PRORP: variants seen among roughly 807,000 people sequenced by gnomAD.
The protein encoded by PRORP is protein only RNase P catalytic subunit.
Under a neutral mutation model 59.4 loss-of-function variants are expected in PRORP, and 51 were observed. The observed-to-expected ratio is 0.86, with a 90% CI of 0.69 to 1.08. PRORP has a LOEUF of 1.08. Ranked by LOEUF, PRORP falls within the 50% of genes least tolerant of loss-of-function variation. The probability of loss-of-function intolerance (pLI) is 0.00; values close to 1 mark genes in which losing one functional copy is unlikely to be tolerated. For synonymous variants in PRORP, 231 were observed against 245.6 expected, an observed-to-expected ratio of 0.94 and a Z score of 0.55; for missense variants, 646 against 690.3, an observed-to-expected ratio of 0.94 and a Z score of 0.72.
chr14:35,226,994 C>T (rs939563816), intron 5 of PRORP, among the ~76,000 whole-genome samples: 7 of 151,844 alleles, frequency 4.6e-5, no homozygotes, highest in South Asian at 2.1e-4. Flanking sequence ...CCTCTGTCTC[C>T]CAAAGTTCTG....
chr14:35,148,618 C>T (rs1472444390), intron 4 of PRORP, among the ~76,000 whole-genome samples: 1 of 152,130 alleles, frequency 6.6e-6, no homozygotes, highest in African/African-American at 2.4e-5. Context: ...TGTATTAGCC[C>T]ATAACAAGAG....
At chr14:35,179,685 T>G (rs2048548838) in intron 4 of PRORP, among the ~76,000 whole-genome samples, 1 of 152,038 alleles carries the variant, frequency 6.6e-6, no homozygotes, top group African/African-American at 2.4e-5. Context: ...GGGTTCGAAC[T>G]TCCTTCTTCA....
chr14:35,161,079 G>T (rs1402060665), intron 4 of PRORP, among the ~76,000 whole-genome samples: 1 of 55,426 alleles, frequency 1.8e-5, no homozygotes, highest in Middle Eastern at 6.8e-3. Flanking sequence ...TGTGAAGACC[G>T]GAGCCCATTT....
At position 35,124,241 on chromosome 14, in the gene PRORP, G is replaced by T. The variant is rs746272970; in HGVS notation, c.986+10G>T. On this transcript the variant is annotated intron_variant, in intron 2 of 7. Transcript: ENST00000534898. Reference sequence around the variant, plus strand: ...AAACATGGTTTGAGAGGTAATTTTGGTTTTTTTATATGTATGTTTTTATTC... The same window carrying T: ...AAACATGGTTTGAGAGGTAATTTTGTTTTTTTTATATGTATGTTTTTATTC... The T allele has an allele frequency of 8.4e-5, 126 of 1,496,890 alleles. No homozygotes were observed. The highest frequency in any genetic ancestry group is 6.6e-4 in the Middle Eastern group (3 of 4,534). The allele number at this position is 1,496,890 out of a possible 1,614,324, so 92.7% of individuals were successfully genotyped here.
intron 5 of PRORP, among the ~76,000 whole-genome samples, chr14:35,192,266 C>T (rs150725051): frequency 1.3e-5 from 2 of 152,248 alleles, no homozygotes; most frequent in East Asian, 1.9e-4. Flanking sequence ...AATATTCTTC[C>T]ATCTTCAAAT....
At chr14:35,134,067 C>T (rs776305739) in intron 4 of PRORP, among the ~76,000 whole-genome samples, 5 of 152,326 alleles carry the variant, frequency 3.3e-5, no homozygotes, top group Admixed American at 6.5e-5. Flanking sequence ...CCCTTCAGGG[C>T]GACAAGTTCC....
chr14:35,147,529 G>A (rs976978399), intron 4 of PRORP, among the ~76,000 whole-genome samples: 3 of 151,984 alleles, frequency 2.0e-5, no homozygotes, highest in Admixed American at 6.6e-5. Context: ...ATTTTTTGTC[G>A]AGCTGGGGTT....
chr14:35,130,454 T>C (rs545369969), intron 4 of PRORP, among the ~76,000 whole-genome samples: 20 of 151,622 alleles, frequency 1.3e-4, no homozygotes, highest in Non-Finnish European at 2.6e-4. Flanking sequence ...TACCCTCAGA[T>C]GATTTCTTAT....
Position 35,273,504 on chromosome 14 carries a change from T to G in PRORP, c.1690T>G (p.Leu564Val). 6.2e-7 allele frequency: 1 copy of G among 1,613,736 alleles called. No individual in the cohort carries two copies. Among genetic ancestry groups the G allele is most frequent in the Non-Finnish European group, 8.5e-7 (1 of 1,179,792 alleles). The change falls in exon 8 of 8, where the codon TTG becomes GTG. Residue 564 changes from leucine to valine, a missense_variant. Transcript: ENST00000534898. The stretch of plus-strand genomic sequence containing the variant: ...GTGGCACATACCATATGATGAAGAC[T>G]TGGTAGAAAGATGTTCCTGTGAAGT... ...DSWHIPYDED[L>V]VERCSCEVPT...
At chr14:35,167,485 CT>C (rs1031924390) in intron 4 of PRORP, among the ~76,000 whole-genome samples, 29 of 152,330 alleles carry the variant, frequency 1.9e-4, no homozygotes, top group East Asian at 1.7e-3. Flanking sequence ...CATCTCTTCT[CT>C]TTAGTTTACA....
At chr14:35,257,667 G>A (rs941235097) in intron 5 of PRORP, among the ~76,000 whole-genome samples, 1 of 152,102 alleles carries the variant, frequency 6.6e-6, no homozygotes. Context: ...CATAATGAAT[G>A]TTCTTATAAA....
In PRORP at chr14:35,273,535, C is replaced by T. The variant is rs746263597; in HGVS notation, c.1721C>T (p.Thr574Ile). Reference protein sequence around the residue: ...LVERCSCEVPTKWLCLHQKT With the variant: ...LVERCSCEVPIKWLCLHQKT ...GAAAGATGTTCCTGTGAAGTACCAA[C>T]CAAATGGCTTTGCCTCCACCAAAAG... Residue 574 changes from threonine (T) to isoleucine (I), a missense_variant, in exon 8 of 8, where the codon ACC becomes ATC. Thr to Ile is a moderately conservative substitution (Grantham distance 89). Transcript: ENST00000534898. The T allele has an allele frequency of 1.9e-6, 3 of 1,613,606 alleles. No homozygotes were observed. The Admixed American group carries it at 5.0e-5, about 27-fold the overall frequency.
chr14:35,147,420 G>C (rs1331899038), intron 4 of PRORP, among the ~76,000 whole-genome samples: 2 of 152,158 alleles, frequency 1.3e-5, no homozygotes, highest in Non-Finnish European at 2.9e-5. Context: ...ATGGCTTACT[G>C]TAGCCTCCAC....
chr14:35,145,975 CCT>C (rs2047601014), intron 4 of PRORP, among the ~76,000 whole-genome samples: 1 of 151,600 alleles, frequency 6.6e-6, no homozygotes, highest in Non-Finnish European at 1.5e-5. Flanking sequence ...ATTACAGGCG[CCT>C]GCCACCACAC....
At chr14:35,270,350 C>T (rs2051153671) in intron 6 of PRORP, 51 bp from the exon 7 acceptor site, 1 of 1,553,988 alleles carries the variant, frequency 6.4e-7, no homozygotes, top group Admixed American at 1.7e-5. Flanking sequence ...AAACACTGTC[C>T]TCTGCCTCTT....
At position 35,229,035 on chromosome 14, in the gene PRORP, C is replaced by G. The variant is rs115084568; in HGVS notation, c.1276-37692C>G. Among the ~76,000 whole-genome samples the G allele has an allele frequency of 4.0e-3, 613 of 152,246 alleles. 3 individuals are homozygous for G. The highest frequency in any genetic ancestry group is 0.014 in the African/African-American group (584 of 41,548). On this transcript the variant is annotated intron_variant, in intron 5 of 7. Transcript: ENST00000534898. ...CATTATGGTTTTGATTTATAGTTCT[C>G]TGATGATTAGCGATATTGAGCATTT...
chr14:35,181,326 C>G (rs758531821), intron 5 of PRORP, among the ~76,000 whole-genome samples: 3 of 152,006 alleles, frequency 2.0e-5, no homozygotes, highest in African/African-American at 7.2e-5. Context: ...ACTTTAATCT[C>G]TATTTTGTAG....
At chr14:35,173,777 A>T (rs2048376995) in intron 4 of PRORP, among the ~76,000 whole-genome samples, 1 of 151,798 alleles carries the variant, frequency 6.6e-6, no homozygotes, top group South Asian at 2.1e-4. Context: ...TATTACTATT[A>T]TTATTGTTGT....
chr14:35,185,898 A>G (rs1463302594), intron 5 of PRORP, among the ~76,000 whole-genome samples: 2 of 152,236 alleles, frequency 1.3e-5, no homozygotes, highest in Admixed American at 1.3e-4. Flanking sequence ...GGTATGAACT[A>G]TATGGATTAA....
Sources: allele counts gnomAD v4.1 joint callset (sites outside exome capture counted in the v4.1 genomes callset), GRCh38; gene constraint gnomAD v4.1.1; transcripts MANE v1.5; gene names NCBI Gene and HGNC (gene_info 2026-07-23, HGNC 2026-07-21).